AZIN1: variants seen among roughly 807,000 people sequenced by gnomAD.
AZIN1 encodes antizyme inhibitor 1.
In AZIN1, 12 loss-of-function variants were observed where a neutral mutation model predicts 47.4. The ratio of observed to expected loss-of-function variants is 0.25; its 90% CI spans 0.16 to 0.41. AZIN1 has a LOEUF of 0.41. AZIN1 is among the 10% of genes least tolerant of loss of function. The probability of loss-of-function intolerance (pLI) is 1.00; values close to 1 mark genes in which losing one functional copy is unlikely to be tolerated. For synonymous variants in AZIN1, 155 were observed against 176.3 expected, an observed-to-expected ratio of 0.88 and a Z score of 0.96; for missense variants, 410 against 532.4, an observed-to-expected ratio of 0.77 and a Z score of 2.26.
chr8:102,860,410 G>A (rs1339108723), intron 1 of AZIN1, among the ~76,000 whole-genome samples: 1 of 152,118 alleles, frequency 6.6e-6, no homozygotes, highest in African/African-American at 2.4e-5. Flanking sequence ...TTACAGGCAT[G>A]TGCCACCATG....
intron 2 of AZIN1, chr8:102,854,462 T>C (rs973487159): frequency 6.6e-6 from 1 of 151,584 alleles, no homozygotes; most frequent in East Asian, 2.0e-4. Flanking sequence ...CCGGGCATAA[T>C]GGTGGGTGCC....
chr8:102,854,927 C>A (rs1813188929), intron 2 of AZIN1, among the ~76,000 whole-genome samples: 1 of 152,092 alleles, frequency 6.6e-6, no homozygotes, highest in Non-Finnish European at 1.5e-5. Flanking sequence ...CTATGAGAAG[C>A]AAACTTAGCT....
intron 2 of AZIN1, among the ~76,000 whole-genome samples, chr8:102,848,471 T>C (rs1563544057): frequency 6.6e-6 from 1 of 152,168 alleles, no homozygotes; most frequent in Non-Finnish European, 1.5e-5. Context: ...ATTCTTGGGC[T>C]CAAGCTATCC....
At chr8:102,863,337 G>T (rs992655258) in intron 1 of AZIN1, among the ~76,000 whole-genome samples, 1 of 151,870 alleles carries the variant, frequency 6.6e-6, no homozygotes, top group Non-Finnish European at 1.5e-5. Context: ...AGCGCCGCCC[G>T]CCCGCCGGGC....
intron 3 of AZIN1, among the ~76,000 whole-genome samples, chr8:102,842,602 G>T (rs1182290005): frequency 1.3e-5 from 2 of 152,052 alleles, no homozygotes; most frequent in East Asian, 3.9e-4. Context: ...AGCTACTTGG[G>T]AGGCTGAGGC....
chr8:102,829,981 G>A (rs1811331242), intron 9 of AZIN1, 45 bp from the exon 10 acceptor site: 1 of 1,228,074 alleles, frequency 8.1e-7, no homozygotes, highest in Non-Finnish European at 1.2e-6. Flanking sequence ...TAATAAAATG[G>A]CTCATATGAA....
chr8:102,829,945 A>C lies in AZIN1; in HGVS notation c.905-9T>G, dbSNP rs1157134387. On this transcript the variant is annotated splice_polypyrimidine_tract_variant and intron_variant, in intron 9 of 11. Transcript: ENST00000337198. ...ACTTCCGGTTTTTTCTACTGGAATA[A>C]AACAGGAAAGGGGAAAATGAATTTT... The C allele has an allele frequency of 6.5e-7, 1 of 1,532,450 alleles. No homozygotes were observed. The allele number at this position is 1,532,450 out of a possible 1,614,324, so 94.9% of individuals were successfully genotyped here. A position where few individuals can be genotyped will look rare whatever the true frequency, so the allele number is the denominator to read the frequency against.
intron 5 of AZIN1, chr8:102,836,598 G>A (rs776673191): frequency 4.7e-4 from 252 of 537,958 alleles, no homozygotes; most frequent in South Asian, 3.0e-3. Context: ...ACAAGGATGG[G>A]ATTTTGGAAA....
At chr8:102,834,930 G>A in intron 6 of AZIN1, 183 bp from the exon 7 acceptor site, 1 of 530,440 alleles carries the variant, frequency 1.9e-6, no homozygotes, top group East Asian at 3.1e-5. Context: ...CAGCTTTATA[G>A]AAAAGGCAAT....
chr8:102,829,433 A>G lies in AZIN1; in HGVS notation c.1074T>C (p.Cys358=). The G allele has an allele frequency of 6.2e-7, 1 of 1,614,092 alleles. No individual in the cohort carries two copies. The highest frequency in any genetic ancestry group is 8.5e-7 in the Non-Finnish European group (1 of 1,179,944). Residue 358 remains cysteine, a synonymous_variant, in exon 11 of 12, where the codon TGT becomes TGC. Coordinates refer to ENST00000337198, the MANE Select transcript of AZIN1 (RefSeq NM_148174.4). ...LFTSSLWGPS[C]DELDQIVESC... is the part of the protein sequence containing the mutation. ...TTTCCACAATTTGATCAAGCTCATCACAGGATGGACCCCAAAGGCTGCTTG... is the reference window on the plus strand; with the variant it reads ...TTTCCACAATTTGATCAAGCTCATCGCAGGATGGACCCCAAAGGCTGCTTG...
chr8:102,839,752 T>C lies in AZIN1; in HGVS notation c.174A>G (p.Val58=). The C allele has an allele frequency of 6.2e-7, 1 of 1,608,916 alleles. No individual in the cohort carries two copies. The highest frequency in any genetic ancestry group is 8.5e-7 in the Non-Finnish European group (1 of 1,177,222). The part of the protein sequence containing the change: ...IVKKHSQWQN[V]VAQIKPFYTV... ...TGTAGAATGGCTTTATCTGAGCCAC[T>C]ACATTCTGCCATTGACTGTGTTTCT... The change falls in exon 4 of 12, where the codon GTA becomes GTG. Residue 58 remains valine (V), a synonymous_variant. Coordinates refer to ENST00000337198, the MANE Select transcript of AZIN1 (RefSeq NM_148174.4).
intron 7 of AZIN1, 71 bp downstream of exon 7, chr8:102,834,595 A>C (rs188435821): frequency 8.2e-7 from 1 of 1,215,334 alleles, no homozygotes; most frequent in Non-Finnish European, 1.2e-6. Flanking sequence ...CACAGGCAGA[A>C]AATACTTAGT....
intron 1 of AZIN1, among the ~76,000 whole-genome samples, chr8:102,861,095 T>A (rs1039601015): frequency 1.2e-4 from 19 of 152,240 alleles, no homozygotes; most frequent in African/African-American, 4.6e-4. Flanking sequence ...AAAGTCAGTT[T>A]CTTAGTTTTA....
In AZIN1 at chr8:102,843,620, G is replaced by A. The variant is rs760703854; in HGVS notation, c.33C>T (p.Ser11=). 2.7e-5 allele frequency: 44 copies of A among 1,613,848 alleles called. No homozygotes were observed. The highest frequency in any genetic ancestry group is 3.0e-5 in the Non-Finnish European group (35 of 1,179,924). The part of the protein sequence containing the change: MKGFIDDANY[S]VGLLDEGTNL... Reference sequence around the variant, plus strand: ...TTGTTCCTTCATCCAACAGGCCAACGGAGTAGTTTGCATCATCAATAAATC... The same window carrying A: ...TTGTTCCTTCATCCAACAGGCCAACAGAGTAGTTTGCATCATCAATAAATC... Residue 11 remains serine, a synonymous_variant, in exon 3 of 12, where the codon TCC becomes TCT. Transcript: ENST00000337198.
intron 2 of AZIN1, among the ~76,000 whole-genome samples, chr8:102,850,658 A>G (rs1466894548): frequency 6.6e-6 from 1 of 152,190 alleles, no homozygotes; most frequent in East Asian, 1.9e-4. Flanking sequence ...GTGATAGACA[A>G]TAACAACAGC....
At chr8:102,832,066 A>G (rs1811496377) in intron 9 of AZIN1, among the ~76,000 whole-genome samples, 1 of 152,224 alleles carries the variant, frequency 6.6e-6, no homozygotes. Flanking sequence ...TGCATAGCCT[A>G]AAAAATTAAT....
chr8:102,848,406 T>G (rs184224209), intron 2 of AZIN1, among the ~76,000 whole-genome samples: 1 of 152,254 alleles, frequency 6.6e-6, no homozygotes, highest in East Asian at 1.9e-4. Flanking sequence ...TTTCTTTTTT[T>G]GTTTTTCTCT....
chr8:102,829,897 T>C lies in AZIN1; in HGVS notation c.944A>G (p.Tyr315Cys), dbSNP rs1811323485. The C allele has an allele frequency of 6.2e-7, 1 of 1,613,280 alleles. No homozygotes were observed. Residue 315 changes from tyrosine (Y) to cysteine (C), a missense_variant, in exon 10 of 12, where the codon TAT becomes TGT. Tyr to Cys is a radical substitution (Grantham distance 194). This residue lies in a region of AZIN1 where 168 missense variants were observed against 198.3 expected (regional missense o/e 0.85). Coordinates refer to ENST00000337198, the MANE Select transcript of AZIN1 (RefSeq NM_148174.4). Reference protein sequence around the residue: ...TGSDEPAFMYYMNDGVYGSFA... With the variant: ...TGSDEPAFMYCMNDGVYGSFA... ...AGAACCATAAACACCATCATTCATA[T>C]AATACATGAAGGCTGGTTCATCACT...
chr8:102,832,931 C>T (rs564738994), intron 9 of AZIN1, 125 bp downstream of exon 9: 19 of 833,324 alleles, frequency 2.3e-5, no homozygotes, highest in East Asian at 5.3e-5. Context: ...TGAGCCACCA[C>T]GCCCGGCCAG....
Sources: gnomAD v4.1 joint callset for allele counts (sites outside exome capture counted in the v4.1 genomes callset) on GRCh38, gnomAD v4.1.1 for gene constraint, gnomAD v4.1.1 regional missense constraint, MANE v1.5 for transcripts, NCBI Gene and HGNC (gene_info 2026-07-23, HGNC 2026-07-21) for gene names.